The following SEC61A2 variants were observed in gnomAD, a reference collection of about 807,000 sequenced individuals.
The protein encoded by SEC61A2 is protein transport protein Sec61 subunit alpha isoform 2.
SEC61A2 carries 28 observed loss-of-function variants against 59.9 expected under a neutral mutation model. The ratio of observed to expected loss-of-function variants is 0.47; its 90% CI spans 0.35 to 0.64. The LOEUF is 0.64. Ranked by LOEUF, SEC61A2 falls within the 30% of genes least tolerant of loss-of-function variation. The pLI, the probability that SEC61A2 is intolerant of heterozygous loss-of-function variation, is 0.01. For synonymous variants in SEC61A2, 202 were observed against 214.4 expected, an observed-to-expected ratio of 0.94 and a Z score of 0.50; for missense variants, 340 against 585.9, an observed-to-expected ratio of 0.58 and a Z score of 4.33.
At chr10:12,159,270 C>T (rs1264926077) in intron 9 of SEC61A2, among the ~76,000 whole-genome samples, 1 of 152,180 alleles carries the variant, frequency 6.6e-6, no homozygotes, top group Non-Finnish European at 1.5e-5. Context: ...AGCCACCACA[C>T]TCGGCCCATA....
In SEC61A2 at chr10:12,129,999, G is replaced by A. The variant is rs1189067670; in HGVS notation, c.7+205G>A. Among the ~76,000 whole-genome samples, 2 of 152,268 alleles carry A rather than the reference G, an allele frequency of 1.3e-5. No homozygotes were observed. The highest frequency in any genetic ancestry group is 2.4e-5 in the African/African-American group (1 of 41,550). On this transcript the variant is annotated intron_variant, in intron 1 of 11. Coordinates refer to ENST00000298428, the MANE Select transcript of SEC61A2 (RefSeq NM_018144.4). The surrounding 1 kb of genome is among the most constrained non-coding windows in gnomAD (Gnocchi z 5.6). Reference sequence around the variant, plus strand: ...CCTTGCCCGGCGGGTACCGGGACCCGGAGGCCCGGGGTTTGCGTTTGATAG... The same window carrying A: ...CCTTGCCCGGCGGGTACCGGGACCCAGAGGCCCGGGGTTTGCGTTTGATAG...
At chr10:12,167,965 G>A (rs1834748344), downstream of SEC61A2, 3 of 1,339,464 alleles carry the variant, frequency 2.2e-6, no homozygotes, top group East Asian at 2.8e-5. Context: ...GGATCTTAAA[G>A]AATAAAGACT....
At chr10:12,144,485 A>G (rs965502256) in intron 4 of SEC61A2, among the ~76,000 whole-genome samples, 9 of 152,228 alleles carry the variant, frequency 5.9e-5, no homozygotes, top group Admixed American at 6.5e-5. Context: ...CATTCATTCA[A>G]CAAATACTTA....
Position 12,145,028 on chromosome 10 carries a change from G to A in SEC61A2, c.220+1833G>A, listed in dbSNP as rs550135178. Among the ~76,000 whole-genome samples the A allele has an allele frequency of 2.0e-5, 3 of 151,872 alleles. No individual in the cohort carries two copies. Among genetic ancestry groups the A allele is most frequent in the Admixed American group, 2.0e-4 (3 of 15,242 alleles). On this transcript the variant is annotated intron_variant, in intron 4 of 11. Coordinates refer to ENST00000298428, the MANE Select transcript of SEC61A2 (RefSeq NM_018144.4). The surrounding 1 kb of genome is among the most constrained non-coding windows in gnomAD (Gnocchi z 4.4). Reference sequence around the variant, plus strand: ...CACGCCACTGCACTCTAGCCGGGGCGACACAACCAGACCCTGTCTCAAAAA... The same window carrying A: ...CACGCCACTGCACTCTAGCCGGGGCAACACAACCAGACCCTGTCTCAAAAA...
chr10:12,134,240 CT>C (rs1833831531), intron 2 of SEC61A2, among the ~76,000 whole-genome samples: 1 of 152,250 alleles, frequency 6.6e-6, no homozygotes, highest in South Asian at 2.1e-4. Flanking sequence ...ATCTCCTGAC[CT>C]TGTGATCTGC....
Position 12,155,559 on chromosome 10 carries a change from GCTTTATA to G in SEC61A2, c.463-218_463-212del, listed in dbSNP as rs570310851. On this transcript the variant is annotated intron_variant, in intron 6 of 11. Transcript: ENST00000298428. This position sits in a 1 kb window ranked among gnomAD's most constrained non-coding sequence, Gnocchi z 4.3. ...ATAGACTTTAAAAGTTGAAATGTCTGCTTTATAATACAACAGTATTTCCAGTCCTCTT... is the reference window on the plus strand; with the variant it reads ...ATAGACTTTAAAAGTTGAAATGTCTGATACAACAGTATTTCCAGTCCTCTT... Among the ~76,000 whole-genome samples, 5 of 152,286 alleles carry G rather than the reference GCTTTATA, an allele frequency of 3.3e-5. No individual in the cohort carries two copies. In the South Asian group the frequency reaches 1.0e-3, roughly 32 times the overall value.
chr10:12,146,540 C>G (rs755366327), intron 4 of SEC61A2, among the ~76,000 whole-genome samples: 1 of 151,410 alleles, frequency 6.6e-6, no homozygotes, highest in African/African-American at 2.4e-5. Context: ...TTTTTTGAGA[C>G]GGAGTCTCGC....
downstream of SEC61A2, chr10:12,169,364 T>G (rs1834797064): frequency 2.1e-6 from 3 of 1,409,794 alleles, no homozygotes; most frequent in Non-Finnish European, 2.9e-6. The surrounding 1 kb of genome is among the most constrained non-coding windows in gnomAD (Gnocchi z 4.8). Context: ...CTTGCCTACG[T>G]CACCCTGCTT....
At chr10:12,137,130 T>G (rs1833907849) in intron 3 of SEC61A2, among the ~76,000 whole-genome samples, 1 of 152,010 alleles carries the variant, frequency 6.6e-6, no homozygotes, top group African/African-American at 2.4e-5. Flanking sequence ...GGTCTCCAGC[T>G]CCTAGGCTCA....
At chr10:12,169,234 CTA>C, downstream of SEC61A2, 1 of 1,502,258 alleles carries the variant, frequency 6.7e-7, no homozygotes, top group South Asian at 1.2e-5. The surrounding 1 kb of genome is among the most constrained non-coding windows in gnomAD (Gnocchi z 4.8). Context: ...CTCACTTATT[CTA>C]TTTTTTTCTC....
Position 12,129,981 on chromosome 10 carries a change from C to G in SEC61A2, c.7+187C>G, listed in dbSNP as rs1445094519. Among the ~76,000 whole-genome samples the G allele has an allele frequency of 6.6e-6, 1 of 152,072 alleles. No individual in the cohort carries two copies. ...TCCCCTAGCCGTGCGAGGCCTTGCCCGGCGGGTACCGGGACCCGGAGGCCC... is the reference window on the plus strand; with the variant it reads ...TCCCCTAGCCGTGCGAGGCCTTGCCGGGCGGGTACCGGGACCCGGAGGCCC... On this transcript the variant is annotated intron_variant, in intron 1 of 11. Coordinates refer to ENST00000298428, the MANE Select transcript of SEC61A2 (RefSeq NM_018144.4). The surrounding 1 kb of genome is among the most constrained non-coding windows in gnomAD (Gnocchi z 5.6).
intron 4 of SEC61A2, among the ~76,000 whole-genome samples, chr10:12,146,221 A>G (rs1834134143): frequency 6.6e-6 from 1 of 152,118 alleles, no homozygotes; most frequent in African/African-American, 2.4e-5. Flanking sequence ...GGGTTTCACC[A>G]TATTGGCCAG....
At chr10:12,135,888 T>A (rs1833871029) in intron 2 of SEC61A2, among the ~76,000 whole-genome samples, 1 of 152,230 alleles carries the variant, frequency 6.6e-6, no homozygotes, top group Non-Finnish European at 1.5e-5. Flanking sequence ...CATGTGTGTC[T>A]GTATATATGT....
In SEC61A2 at chr10:12,145,688, T is replaced by C. The variant is rs1834123032; in HGVS notation, c.220+2493T>C. Among the ~76,000 whole-genome samples the C allele has an allele frequency of 6.6e-6, 1 of 152,234 alleles. No individual in the cohort carries two copies. The highest frequency in any genetic ancestry group is 1.5e-5 in the Non-Finnish European group (1 of 68,032). On this transcript the variant is annotated intron_variant, in intron 4 of 11. Transcript: ENST00000298428. The surrounding 1 kb of genome is among the most constrained non-coding windows in gnomAD (Gnocchi z 4.4). ...ATGCTTTCGTAGTCCGTAGATGTGATGATTGGATCTTCACGCTCGTGTGTG... is the reference window on the plus strand; with the variant it reads ...ATGCTTTCGTAGTCCGTAGATGTGACGATTGGATCTTCACGCTCGTGTGTG...
At position 12,149,087 on chromosome 10, in the gene SEC61A2, C is replaced by CT. The variant is rs1212357050; in HGVS notation, c.221-499dup. 1.1e-4 allele frequency among the ~76,000 whole-genome samples: 16 copies of CT among 150,982 alleles called. 1 individual carries two copies. Among genetic ancestry groups the CT allele is most frequent in the South Asian group, 4.2e-4 (2 of 4,760 alleles). ...ATTTTCTTATTTCTCCCTATAAATT[C>CT]TTTTTTTTTGGTTTGTTTTTGAGAT... On this transcript the variant is annotated intron_variant, in intron 4 of 11. Transcript: ENST00000298428. The surrounding 1 kb of genome is among the most constrained non-coding windows in gnomAD (Gnocchi z 5.2).
chr10:12,140,990 C>T (rs1365130940), intron 3 of SEC61A2, among the ~76,000 whole-genome samples: 1 of 152,022 alleles, frequency 6.6e-6, no homozygotes, highest in Non-Finnish European at 1.5e-5. Context: ...ACCTCTGCCT[C>T]CCAGGTTCAA....
chr10:12,163,051 C>T (rs1360143173), intron 11 of SEC61A2, among the ~76,000 whole-genome samples: 2 of 152,186 alleles, frequency 1.3e-5, no homozygotes, highest in East Asian at 3.8e-4. Flanking sequence ...CTGTTGTGAA[C>T]ATATTTGTAC....
rs1355058681 is a variant in SEC61A2, at chr10:12,155,211, C to G, written c.463-567C>G. On this transcript the variant is annotated intron_variant, in intron 6 of 11. Coordinates refer to ENST00000298428, the MANE Select transcript of SEC61A2 (RefSeq NM_018144.4). This position sits in a 1 kb window ranked among gnomAD's most constrained non-coding sequence, Gnocchi z 4.3. ...TAGAATGCATTTTTACATTGCTGCT[C>G]GAGTACGTATTTGAGTACATATTTG... is the stretch of plus-strand genomic sequence containing the variant. 5 of 738,980 alleles carry G rather than the reference C, an allele frequency of 6.8e-6. No individual in the cohort carries two copies. The highest frequency in any genetic ancestry group is 4.2e-4 in the Middle Eastern group (1 of 2,360). The allele number at this position is 738,980 out of a possible 1,614,324, so 45.8% of individuals were successfully genotyped here.
At position 12,162,353 on chromosome 10, in the gene SEC61A2, TA is replaced by T; in HGVS notation, c.1244+67del. 7.6e-7 allele frequency: 1 copy of T among 1,313,370 alleles called. No individual in the cohort carries two copies. Among genetic ancestry groups the T allele is most frequent in the East Asian group, 2.3e-5 (1 of 43,392 alleles). The allele number at this position is 1,313,370 out of a possible 1,614,324, so 81.4% of individuals were successfully genotyped here. A position where few individuals can be genotyped will look rare whatever the true frequency, so the allele number is the denominator to read the frequency against. ...TGTGTTTCAGTCTTTCAGTGTTGGC[TA>T]AATGTTTTTCTTTGTTCAAGTTCAT... On this transcript the variant is annotated intron_variant, in intron 11 of 11. Coordinates refer to ENST00000298428, the MANE Select transcript of SEC61A2 (RefSeq NM_018144.4). This position sits in a 1 kb window ranked among gnomAD's most constrained non-coding sequence, Gnocchi z 6.1.
Sources: allele counts gnomAD v4.1 joint callset (sites outside exome capture counted in the v4.1 genomes callset), GRCh38; gene constraint gnomAD v4.1.1; non-coding constraint Gnocchi (gnomAD v3.1); transcripts MANE v1.5; gene names NCBI Gene and HGNC (gene_info 2026-07-23, HGNC 2026-07-21).